The following E2F7 variants were observed in gnomAD, a reference collection of about 807,000 sequenced individuals.
E2F7 encodes E2F transcription factor 7.
In E2F7, 35 loss-of-function variants were observed where a neutral mutation model predicts 81.1. That is an observed-to-expected ratio of 0.43 (90% CI 0.33 to 0.57). The LOEUF (loss-of-function observed/expected upper bound fraction) is 0.57, where lower values mean the gene tolerates loss of function less well. Ranked by LOEUF, E2F7 falls within the 20% of genes least tolerant of loss-of-function variation. The probability of loss-of-function intolerance (pLI) is 0.04; values close to 1 mark genes in which losing one functional copy is unlikely to be tolerated. For missense variants in E2F7, 961 were observed against 1,093.7 expected, an observed-to-expected ratio of 0.88 and a Z score of 1.71; for synonymous variants, 416 against 416.2, an observed-to-expected ratio of 1.00 and a Z score of 0.01.
At chr12:77,029,480 A>T (rs1954786223) in intron 10 of E2F7, among the ~76,000 whole-genome samples, 1 of 152,224 alleles carries the variant, frequency 6.6e-6, no homozygotes, top group African/African-American at 2.4e-5. Flanking sequence ...CTGGATTAAG[A>T]TGTTTATTTC....
chr12:77,058,499 C>T (rs982589019), intron 2 of E2F7, among the ~76,000 whole-genome samples: 1 of 152,140 alleles, frequency 6.6e-6, no homozygotes, highest in Non-Finnish European at 1.5e-5. Flanking sequence ...TTTTCCACAG[C>T]TCCAACCAAA....
At chr12:77,056,211 TAAG>T in intron 2 of E2F7, 81 bp from the exon 3 acceptor site, 2 of 1,385,098 alleles carry the variant, frequency 1.4e-6, no homozygotes, top group South Asian at 2.9e-5. Context: ...CACCATTCAC[TAAG>T]ACTTGAAAAT....
chr12:77,055,633 A>C (rs993513622), intron 3 of E2F7, among the ~76,000 whole-genome samples: 13 of 152,174 alleles, frequency 8.5e-5, no homozygotes, highest in African/African-American at 3.1e-4. Flanking sequence ...ATAATTTATC[A>C]TTTTTAAATG....
intron 2 of E2F7, among the ~76,000 whole-genome samples, chr12:77,058,025 A>G (rs765961459): frequency 1.4e-4 from 22 of 152,218 alleles, no homozygotes; most frequent in Non-Finnish European, 2.9e-4. Context: ...TCCTTGGATC[A>G]GCAGAAGCTG....
In E2F7 at chr12:77,046,072, C is replaced by T. The variant is rs781489602; in HGVS notation, c.795G>A (p.Gln265=). The T allele has an allele frequency of 3.7e-6, 6 of 1,614,176 alleles. No homozygotes were observed. The highest frequency in any genetic ancestry group is 5.1e-6 in the Non-Finnish European group (6 of 1,180,022). ...KDGDPDSQEQ[Q]LLDFSEPDCP... is the part of the protein sequence containing the mutation. ...AGTCGGGTTCAGAGAAATCCAGTAA[C>T]TGTTGTTCCTGGGAATCTGGATCAC... The change falls in exon 5 of 13, where the codon CAG becomes CAA. Residue 265 remains glutamine (Q), a synonymous_variant. Coordinates refer to ENST00000322886, the MANE Select transcript of E2F7 (RefSeq NM_203394.3).
At chr12:77,026,057 G>T in intron 11 of E2F7, 75 bp from the exon 12 acceptor site, 2 of 1,459,504 alleles carry the variant, frequency 1.4e-6, no homozygotes, top group South Asian at 2.9e-5. Flanking sequence ...CATTTGTCAT[G>T]GCCCTTTCAA....
chr12:77,027,426 G>C (rs577898124), intron 11 of E2F7, among the ~76,000 whole-genome samples: 20 of 152,114 alleles, frequency 1.3e-4, no homozygotes, highest in Non-Finnish European at 2.4e-4. Context: ...AACCAATGAG[G>C]ATGAAGAATA....
At chr12:77,051,687 A>C (rs1314823210) in intron 3 of E2F7, among the ~76,000 whole-genome samples, 1 of 152,242 alleles carries the variant, frequency 6.6e-6, no homozygotes, top group Non-Finnish European at 1.5e-5. Flanking sequence ...CTTCAATGAA[A>C]GGTATTCATG....
At chr12:77,047,930 A>G (rs1281180160) in intron 4 of E2F7, among the ~76,000 whole-genome samples, 2 of 152,116 alleles carry the variant, frequency 1.3e-5, no homozygotes, top group African/African-American at 4.8e-5. Flanking sequence ...TAGAAATATC[A>G]TGTGACCGCA....
intron 7 of E2F7, among the ~76,000 whole-genome samples, chr12:77,039,791 G>A (rs1954880906): frequency 6.6e-6 from 1 of 152,144 alleles, no homozygotes; most frequent in Non-Finnish European, 1.5e-5. Context: ...ATACGATGCA[G>A]CCTTTCCATT....
chr12:77,056,615 A>G (rs1314038280), intron 2 of E2F7, among the ~76,000 whole-genome samples: 1 of 152,188 alleles, frequency 6.6e-6, no homozygotes, highest in Non-Finnish European at 1.5e-5. Context: ...TTTTAAGCCA[A>G]CCTAGAGAGC....
intron 5 of E2F7, 46 bp from the exon 6 acceptor site, chr12:77,044,841 C>T: frequency 6.3e-7 from 1 of 1,593,456 alleles, no homozygotes; most frequent in Non-Finnish European, 8.5e-7. Context: ...TGATTTTCTA[C>T]AAGAAAGACT....
chr12:77,024,580 C>A (rs77317519), intron 12 of E2F7, among the ~76,000 whole-genome samples: 1 of 152,182 alleles, frequency 6.6e-6, no homozygotes, highest in East Asian at 1.9e-4. Flanking sequence ...GCATGTGAGG[C>A]CAACATGGTT....
In E2F7 at chr12:77,025,593, C is replaced by T. The variant is rs138091106; in HGVS notation, c.2530G>A (p.Val844Met). 259 of 1,614,202 alleles carry T rather than the reference C, an allele frequency of 1.6e-4. No individual in the cohort carries two copies. The African/African-American group carries it at 1.9e-3, about 12-fold the overall frequency. The stretch of plus-strand genomic sequence containing the variant: ...TTTACTACTGAGACTGGATGTCCCA[C>T]GTAAACGGGGGACTCAGGTTGTTGG... ...VVQQPESPVY[V>M]GHPVSVVKLH... Residue 844 changes from valine to methionine, a missense_variant, in exon 12 of 13, where the codon GTG (valine) becomes ATG (methionine). By Grantham distance (21) the Val-to-Met change is conservative. Coordinates refer to ENST00000322886, the MANE Select transcript of E2F7 (RefSeq NM_203394.3).
At position 77,027,784 on chromosome 12, in the gene E2F7, A is replaced by G; in HGVS notation, c.2140+99T>C. ...AGAGTAAAATGACTCAGGCACATCA[A>G]TAAGCCACTTTGGGTCAGGTGACAC... is the stretch of plus-strand genomic sequence containing the variant. On this transcript the variant is annotated intron_variant, in intron 11 of 12. Transcript: ENST00000322886. The G allele has an allele frequency of 3.3e-6, 5 of 1,506,530 alleles. No individual in the cohort carries two copies. In the South Asian group the frequency reaches 6.7e-5, roughly 20 times the overall value. 93.3% of individuals were successfully genotyped at this position (1,506,530 alleles called of 1,614,324 possible).
chr12:77,024,187 T>TGAAAAAA lies in E2F7; in HGVS notation c.2566-9_2566-3dup, dbSNP rs760861833. On this transcript the variant is annotated splice_region_variant and splice_polypyrimidine_tract_variant and intron_variant, in intron 12 of 12. Coordinates refer to ENST00000322886, the MANE Select transcript of E2F7 (RefSeq NM_203394.3). ...CTTGGGGGTCACTGGAACTGGTGACTGAAAAAAGAAAAAAGAAAAAACAGA... is the reference window on the plus strand; with the variant it reads ...CTTGGGGGTCACTGGAACTGGTGACTGAAAAAAGAAAAAAGAAAAAAGAAAAAACAGA... The TGAAAAAA allele has an allele frequency of 1.0e-5, 16 of 1,607,166 alleles. No homozygotes were observed. Among genetic ancestry groups the TGAAAAAA allele is most frequent in the Middle Eastern group, 1.7e-4 (1 of 6,026 alleles).
chr12:77,037,083 T>C (rs1397922208), intron 7 of E2F7, among the ~76,000 whole-genome samples: 1 of 152,110 alleles, frequency 6.6e-6, no homozygotes, highest in Non-Finnish European at 1.5e-5. Flanking sequence ...AAAATGTTTT[T>C]CAAAAGCAAG....
At position 77,044,788 on chromosome 12, in the gene E2F7, T is replaced by G; in HGVS notation, c.837A>C (p.Ala279=). ...FSEPDCPSSS[A]NSRKDKSLRI... is the part of the protein sequence containing the mutation. ...TCAGAGACTTGTCTTTTCTACTGTT[T>G]GCAGATGCTACACAAGGAATGAAAC... is the stretch of plus-strand genomic sequence containing the variant. The change falls in exon 6 of 13, where the codon GCA becomes GCC. Residue 279 remains alanine, a synonymous_variant. Transcript: ENST00000322886. 1.2e-6 allele frequency: 2 copies of G among 1,613,660 alleles called. No individual in the cohort carries two copies. Among genetic ancestry groups the G allele is most frequent in the Non-Finnish European group, 1.7e-6 (2 of 1,179,908 alleles).
chr12:77,043,007 G>C (rs1488417365), intron 7 of E2F7, 58 bp downstream of exon 7: 1 of 1,611,992 alleles, frequency 6.2e-7, no homozygotes, highest in African/African-American at 1.3e-5. Flanking sequence ...GTGAGACTTG[G>C]AAAAGGAACT....
Sources: gnomAD v4.1 joint callset for allele counts (sites outside exome capture counted in the v4.1 genomes callset) on GRCh38, gnomAD v4.1.1 for gene constraint, MANE v1.5 for transcripts, NCBI Gene and HGNC (gene_info 2026-07-23, HGNC 2026-07-21) for gene names.